The following DNAH5 variants were observed in gnomAD, a reference collection of about 807,000 sequenced individuals.
The protein encoded by DNAH5 is dynein axonemal heavy chain 5.
DNAH5 carries 372 observed loss-of-function variants against 518.2 expected under a neutral mutation model. The observed-to-expected ratio is 0.72, with a 90% CI of 0.66 to 0.78. DNAH5 has a LOEUF of 0.78. Ranked by LOEUF, DNAH5 falls within the 30% of genes least tolerant of loss-of-function variation. The pLI is 0.00. For synonymous variants in DNAH5, 2,039 were observed against 2,025.9 expected, an observed-to-expected ratio of 1.01 and a Z score of -0.17; for missense variants, 5,523 against 5,687.0, an observed-to-expected ratio of 0.97 and a Z score of 0.93.
chr5:13,708,433 T>A, intron 75 of DNAH5, 98 bp from the exon 76 acceptor site: 1 of 1,055,552 alleles, frequency 9.5e-7, no homozygotes, highest in Non-Finnish European at 1.4e-6. Context: ...AAATTCTTAC[T>A]ATTCCATAAA....
At chr5:13,778,539 G>GAAGAAAGAAAGA (rs397996833) in intron 53 of DNAH5, among the ~76,000 whole-genome samples, 2,526 of 73,804 alleles carry the variant, frequency 0.034, 119 homozygotes, top group East Asian at 0.046. Flanking sequence ...GAGAGAGAGA[G>GAAGAAAGAAAGA]AAGAAAGAAA....
intron 78 of DNAH5, among the ~76,000 whole-genome samples, chr5:13,693,742 G>T (rs1041145375): frequency 6.6e-6 from 1 of 152,036 alleles, no homozygotes; most frequent in South Asian, 2.1e-4. Flanking sequence ...CCAAGAGAAT[G>T]AGAAACCTTC....
chr5:13,827,023 A>T (rs1366260025), intron 38 of DNAH5, among the ~76,000 whole-genome samples: 2 of 152,120 alleles, frequency 1.3e-5, no homozygotes, highest in Non-Finnish European at 2.9e-5. Flanking sequence ...AAGATGGGGA[A>T]CTTGTTGGGA....
At chr5:13,890,474 G>A (rs984516090) in intron 17 of DNAH5, among the ~76,000 whole-genome samples, 5 of 151,430 alleles carry the variant, frequency 3.3e-5, no homozygotes, top group South Asian at 2.1e-4. Context: ...AAAGTGTAGC[G>A]GATCTGTAAG....
At chr5:13,964,968 C>A (rs1189995541) in intron 1 of DNAH5, among the ~76,000 whole-genome samples, 1 of 152,208 alleles carries the variant, frequency 6.6e-6, no homozygotes, top group Non-Finnish European at 1.5e-5. Flanking sequence ...TCTCCCAATA[C>A]TGTGTTCCGT....
At chr5:13,835,994 A>T (rs549572778) in intron 35 of DNAH5, among the ~76,000 whole-genome samples, 23 of 152,244 alleles carry the variant, frequency 1.5e-4, no homozygotes, top group Non-Finnish European at 2.9e-4. Context: ...ATTATTGGAA[A>T]ATGAGGTGAG....
chr5:13,904,464 T>C (rs1053358790), intron 12 of DNAH5, among the ~76,000 whole-genome samples: 2 of 148,774 alleles, frequency 1.3e-5, no homozygotes, highest in African/African-American at 4.9e-5. Flanking sequence ...TGCATGTGAA[T>C]TATATATAAG....
At chr5:13,903,440 TA>T (rs1488771602) in intron 12 of DNAH5, among the ~76,000 whole-genome samples, 1 of 151,738 alleles carries the variant, frequency 6.6e-6, no homozygotes, top group Non-Finnish European at 1.5e-5. Flanking sequence ...TTTCCACAAT[TA>T]AAAAAAGACT....
intron 76 of DNAH5, among the ~76,000 whole-genome samples, chr5:13,703,155 C>T (rs1348460800): frequency 6.6e-6 from 1 of 152,144 alleles, no homozygotes; most frequent in Admixed American, 6.5e-5. Context: ...CCCCACCCCA[C>T]ACCCTCTACC....
chr5:13,808,439 C>T (rs1158867062), intron 46 of DNAH5, among the ~76,000 whole-genome samples: 1 of 152,104 alleles, frequency 6.6e-6, no homozygotes, highest in Non-Finnish European at 1.5e-5. Context: ...TATTTGGTTA[C>T]AGCAGCCCTA....
rs757253853 is a variant in DNAH5, at chr5:13,914,569, G to A, written c.1271C>T (p.Pro424Leu). The change falls in exon 10 of 79, where the codon CCA (proline) becomes CTA (leucine). Residue 424 changes from proline (P) to leucine (L), a missense_variant. Around this residue, in one of 3 missense-constraint regions of DNAH5, gnomAD observed 5,121 missense variants for 5,223.3 expected, o/e 0.98. Coordinates refer to ENST00000265104, the MANE Select transcript of DNAH5 (RefSeq NM_001369.3). ...TATTTTTTCTTCAACAACATCCTGT[G>A]GCTGGTTCCAGATGGAAGCGGTTCC... Reference protein sequence around the residue: ...NNGTASIWNQPQDVVEEKILS... With the variant: ...NNGTASIWNQLQDVVEEKILS... The A allele has an allele frequency of 6.2e-7, 1 of 1,613,404 alleles. No individual in the cohort carries two copies. Among genetic ancestry groups the A allele is most frequent in the Non-Finnish European group, 8.5e-7 (1 of 1,179,492 alleles).
intron 21 of DNAH5, among the ~76,000 whole-genome samples, chr5:13,880,368 C>T (rs567778266): frequency 6.6e-6 from 1 of 152,160 alleles, no homozygotes; most frequent in East Asian, 1.9e-4. Context: ...TAATACCTCA[C>T]TCATAAAAGT....
intron 12 of DNAH5, among the ~76,000 whole-genome samples, chr5:13,905,545 A>G (rs946888515): frequency 6.6e-6 from 1 of 152,364 alleles, no homozygotes; most frequent in East Asian, 1.9e-4. Context: ...GAACTCAGAC[A>G]AAGAAGATCA....
chr5:13,964,086 A>G (rs1412061506), intron 1 of DNAH5, among the ~76,000 whole-genome samples: 2 of 152,230 alleles, frequency 1.3e-5, no homozygotes, highest in Non-Finnish European at 2.9e-5. Context: ...CAGTAGTCTG[A>G]TAGGACTGTT....
At chr5:13,711,319 G>A (rs372696829) in intron 75 of DNAH5, among the ~76,000 whole-genome samples, 20 of 152,134 alleles carry the variant, frequency 1.3e-4, no homozygotes, top group African/African-American at 3.9e-4. Flanking sequence ...ATCCAGCATC[G>A]CTCTATGATT....
At chr5:13,839,582 T>A (rs1016786595) in intron 34 of DNAH5, 54 bp from the exon 35 acceptor site, 1 of 1,434,696 alleles carries the variant, frequency 7.0e-7, no homozygotes, top group African/African-American at 1.4e-5. Flanking sequence ...TCATTAAATA[T>A]ACACGTTATT....
intron 49 of DNAH5, 137 bp downstream of exon 49, chr5:13,793,378 C>T: frequency 1.4e-6 from 1 of 739,382 alleles, no homozygotes. Flanking sequence ...AAATACACTG[C>T]TTGAGAGTGA....
At chr5:13,901,859 T>C (rs544250973) in intron 13 of DNAH5, among the ~76,000 whole-genome samples, 194 bp downstream of exon 13, 1 of 152,258 alleles carries the variant, frequency 6.6e-6, no homozygotes, top group African/African-American at 2.4e-5. Context: ...TCTCTATTTG[T>C]AGAAATAAAA....
intron 47 of DNAH5, among the ~76,000 whole-genome samples, chr5:13,797,944 T>C (rs1758082047): frequency 6.6e-6 from 1 of 150,808 alleles, no homozygotes; most frequent in African/African-American, 2.4e-5. Context: ...CTCAGCAAAC[T>C]ATCACAAGGA....
Sources: allele counts gnomAD v4.1 joint callset (sites outside exome capture counted in the v4.1 genomes callset), GRCh38; gene constraint gnomAD v4.1.1; regional missense constraint gnomAD v4.1.1; transcripts MANE v1.5; gene names NCBI Gene and HGNC (gene_info 2026-07-23, HGNC 2026-07-21).